Variants in TIAM1 observed in about 807,000 individuals in gnomAD.
The protein encoded by TIAM1 is TIAM Rac1 associated GEF 1, also known as rho guanine nucleotide exchange factor TIAM1.
In TIAM1, 65 loss-of-function variants were observed where a neutral mutation model predicts 163.5. The observed-to-expected ratio is 0.40, with a 90% CI of 0.33 to 0.49. The LOEUF (loss-of-function observed/expected upper bound fraction) is 0.49, where lower values mean the gene tolerates loss of function less well. TIAM1 is among the 20% of genes least tolerant of loss of function. The pLI, the probability that TIAM1 is intolerant of heterozygous loss-of-function variation, is 0.77. For missense variants in TIAM1, 1,789 were observed against 2,044.7 expected (o/e 0.87, Z 2.41); for synonymous variants, 833 against 810.1 (o/e 1.03, Z -0.48).
intron 2 of TIAM1, among the ~76,000 whole-genome samples, chr21:31,394,067 T>G (rs1483573575): frequency 1.3e-5 from 2 of 152,224 alleles, no homozygotes; most frequent in African/African-American, 4.8e-5. Context: ...CTTATAGCAA[T>G]TTTATTCATA....
chr21:31,339,554 A>G (rs1331082389), intron 1 of TIAM1, 132 bp from the exon 2 acceptor site: 46 of 395,426 alleles, frequency 1.2e-4, no homozygotes, highest in Non-Finnish European at 1.9e-4. Flanking sequence ...TAGACACTCA[A>G]TACATTAGAG....
intron 1 of TIAM1, among the ~76,000 whole-genome samples, chr21:31,552,503 G>A (rs921904699): frequency 6.6e-6 from 1 of 152,154 alleles, no homozygotes; most frequent in African/African-American, 2.4e-5. Context: ...GCCAGGCGCG[G>A]TGGCTCACAC....
upstream of TIAM1, among the ~76,000 whole-genome samples, chr21:31,349,243 G>A (rs1007255227): frequency 2.6e-5 from 4 of 152,198 alleles, no homozygotes; most frequent in African/African-American, 7.2e-5. Context: ...ACAGGGTCAG[G>A]ACTCCTTGGT....
chr21:31,356,986 T>A (rs934625623), intron 2 of TIAM1, among the ~76,000 whole-genome samples: 8 of 152,180 alleles, frequency 5.3e-5, no homozygotes, highest in African/African-American at 1.2e-4. Context: ...ATTTTTAAAA[T>A]TTTTAAAAGA....
intron 1 of TIAM1, among the ~76,000 whole-genome samples, chr21:31,500,550 T>C (rs995985410): frequency 2.6e-5 from 4 of 152,128 alleles, no homozygotes; most frequent in Admixed American, 2.6e-4. Context: ...TATGACCTTA[T>C]CTGGAAACAA....
At chr21:31,121,233 T>C (rs983863335) in intron 27 of TIAM1, among the ~76,000 whole-genome samples, 3 of 152,156 alleles carry the variant, frequency 2.0e-5, no homozygotes, top group East Asian at 1.9e-4. Flanking sequence ...AGTGAGTTAG[T>C]GTCCTCAATC....
chr21:31,441,094 T>A (rs977371875), intron 2 of TIAM1, among the ~76,000 whole-genome samples: 1 of 152,168 alleles, frequency 6.6e-6, no homozygotes, highest in African/African-American at 2.4e-5. Flanking sequence ...TCTTAACAGG[T>A]CACCATGCTT....
At chr21:31,320,904 A>G (rs1342986914) in intron 2 of TIAM1, among the ~76,000 whole-genome samples, 2 of 152,022 alleles carry the variant, frequency 1.3e-5, no homozygotes, top group Admixed American at 1.3e-4. Context: ...AGGCTGCAAA[A>G]TTGCTTGAAC....
chr21:31,477,914 T>C (rs1459621084), intron 1 of TIAM1, among the ~76,000 whole-genome samples: 1 of 152,136 alleles, frequency 6.6e-6, no homozygotes, highest in African/African-American at 2.4e-5. Context: ...AGTCAAGAAA[T>C]GCTAAAGAAA....
intron 4 of TIAM1, among the ~76,000 whole-genome samples, chr21:31,259,345 C>T (rs906304820): frequency 4.0e-5 from 6 of 151,878 alleles, no homozygotes; most frequent in Non-Finnish European, 8.8e-5. Flanking sequence ...CTATGTTGGC[C>T]GGGCTGGTCT....
intron 2 of TIAM1, among the ~76,000 whole-genome samples, chr21:31,417,154 C>T (rs1361475266): frequency 6.6e-6 from 1 of 152,200 alleles, no homozygotes; most frequent in East Asian, 1.9e-4. Flanking sequence ...TCCCAAGTAG[C>T]TGGGACTACA....
intron 1 of TIAM1, among the ~76,000 whole-genome samples, chr21:31,553,151 C>T (rs1332135626): frequency 6.6e-6 from 1 of 152,190 alleles, no homozygotes; most frequent in Non-Finnish European, 1.5e-5. Context: ...CAAAGTGGGT[C>T]ATTTTTGAGC....
intron 2 of TIAM1, among the ~76,000 whole-genome samples, chr21:31,402,372 A>G (rs1213299199): frequency 1.3e-5 from 2 of 152,154 alleles, no homozygotes; most frequent in East Asian, 3.9e-4. Context: ...ACCAACCAAG[A>G]AAGTCAGTCT....
chr21:31,154,904 A>G (rs980622266), intron 16 of TIAM1, among the ~76,000 whole-genome samples: 1 of 152,250 alleles, frequency 6.6e-6, no homozygotes, highest in African/African-American at 2.4e-5. Flanking sequence ...TCAGTAAACT[A>G]TCTACTTTGC....
chr21:31,320,819 C>T (rs1193129631), intron 2 of TIAM1, among the ~76,000 whole-genome samples: 1 of 152,158 alleles, frequency 6.6e-6, no homozygotes, highest in Non-Finnish European at 1.5e-5. Flanking sequence ...CATGGTGAAA[C>T]CCATCTCCAC....
intron 7 of TIAM1, 144 bp from the exon 8 acceptor site, chr21:31,223,735 T>C (rs906812712): frequency 6.3e-5 from 50 of 796,834 alleles, no homozygotes; most frequent in Non-Finnish European, 7.1e-6. Flanking sequence ...GTTTCTTAGT[T>C]ACTTATGTTT....
intron 6 of TIAM1, among the ~76,000 whole-genome samples, chr21:31,228,405 T>A (rs970680521): frequency 1.3e-5 from 2 of 151,916 alleles, no homozygotes; most frequent in African/African-American, 4.8e-5. Flanking sequence ...CCTACTAAAG[T>A]TGAATATATG....
chr21:31,523,125 T>TA (rs1272551254), intron 1 of TIAM1, among the ~76,000 whole-genome samples: 1 of 152,228 alleles, frequency 6.6e-6, no homozygotes, highest in Non-Finnish European at 1.5e-5. Context: ...TTACAAAAGA[T>TA]ACCTGCAAAG....
At chr21:31,289,206 G>A (rs911360091) in intron 2 of TIAM1, among the ~76,000 whole-genome samples, 2 of 152,210 alleles carry the variant, frequency 1.3e-5, no homozygotes, top group African/African-American at 4.8e-5. Flanking sequence ...GTTTATGTGA[G>A]TGACCAGACC....
Sources: allele counts gnomAD v4.1 joint callset (sites outside exome capture counted in the v4.1 genomes callset), GRCh38; gene constraint gnomAD v4.1.1; transcripts MANE v1.5; gene names NCBI Gene and HGNC (gene_info 2026-07-23, HGNC 2026-07-21).